Variants in SNX18 observed in about 807,000 individuals in gnomAD.
SNX18 encodes the protein sorting nexin 18.
Under a neutral mutation model 48.7 loss-of-function variants are expected in SNX18, and 35 were observed. The observed-to-expected ratio is 0.72, with a 90% CI of 0.55 to 0.95. SNX18 has a LOEUF of 0.95. Among genes scored for constraint, SNX18 ranks in the 40% least tolerant of loss-of-function variants. The pLI is 0.00. For synonymous variants in SNX18, 492 were observed against 384.7 expected (o/e 1.28, Z -3.26); for missense variants, 824 against 871.0 (o/e 0.95, Z 0.68).
the SNX18 span, among the ~76,000 whole-genome samples, chr5:54,576,025 A>C: frequency 1.2e-4 from 18 of 152,334 alleles, no homozygotes; most frequent in East Asian, 1.7e-3. Flanking sequence ...AAAAATTATC[A>C]AAACATATAT....
the SNX18 span, among the ~76,000 whole-genome samples, chr5:54,590,658 T>A: frequency 6.6e-6 from 1 of 152,174 alleles, no homozygotes; most frequent in African/African-American, 2.4e-5. Flanking sequence ...CCTATTTAGA[T>A]ATCCAACTAA....
chr5:54,554,502 A>G, the SNX18 span, among the ~76,000 whole-genome samples: 1 of 152,248 alleles, frequency 6.6e-6, no homozygotes, highest in African/African-American at 2.4e-5. Context: ...GAGGCCTTAG[A>G]GAGTCACAGA....
the SNX18 span, among the ~76,000 whole-genome samples, chr5:54,616,204 T>C: frequency 6.6e-6 from 1 of 152,224 alleles, no homozygotes; most frequent in Non-Finnish European, 1.5e-5. Context: ...GCTTTGTTCA[T>C]GATTGTGTAA....
At chr5:54,534,995 G>T (rs1580104336) in intron 1 of SNX18, among the ~76,000 whole-genome samples, 1 of 152,110 alleles carries the variant, frequency 6.6e-6, no homozygotes, top group Non-Finnish European at 1.5e-5. Flanking sequence ...TTTGAACATG[G>T]TGCTGATTTC....
the SNX18 span, among the ~76,000 whole-genome samples, chr5:54,635,103 G>A: frequency 2.8e-4 from 43 of 151,594 alleles, no homozygotes; most frequent in East Asian, 7.8e-3. Context: ...ATTTCAAAAT[G>A]TGTTTATGTC....
the SNX18 span, among the ~76,000 whole-genome samples, chr5:54,620,825 C>T: frequency 2.0e-5 from 3 of 152,172 alleles, no homozygotes; most frequent in African/African-American, 7.2e-5. Context: ...GGCAGGTGGC[C>T]ACCTCACTGT....
At chr5:54,573,407 C>T in the SNX18 span, among the ~76,000 whole-genome samples, 1 of 152,224 alleles carries the variant, frequency 6.6e-6, no homozygotes, top group Admixed American at 6.5e-5. Flanking sequence ...GATTGGGACC[C>T]CTTTCCTGTA....
At chr5:54,581,932 T>G in the SNX18 span, among the ~76,000 whole-genome samples, 4 of 152,162 alleles carry the variant, frequency 2.6e-5, no homozygotes, top group African/African-American at 4.8e-5. Context: ...CCTGCACCCC[T>G]CCCCAGCTGA....
At chr5:54,598,249 C>G in the SNX18 span, among the ~76,000 whole-genome samples, 1 of 152,010 alleles carries the variant, frequency 6.6e-6, no homozygotes, top group African/African-American at 2.4e-5. Context: ...AGCCCACCAA[C>G]CAAAAAAAGC....
the SNX18 span, among the ~76,000 whole-genome samples, chr5:54,608,608 C>T: frequency 2.5e-3 from 377 of 152,208 alleles, 1 homozygote; most frequent in African/African-American, 8.7e-3. Flanking sequence ...TGGAGATAGC[C>T]TGAGCTGTTT....
At chr5:54,534,821 T>C (rs1470348059) in intron 1 of SNX18, among the ~76,000 whole-genome samples, 1 of 152,180 alleles carries the variant, frequency 6.6e-6, no homozygotes, top group East Asian at 1.9e-4. Context: ...TGGTTGAGTT[T>C]CAGCTTGCAG....
Position 54,543,396 on chromosome 5 carries a change from G to T in SNX18, c.1839G>T (p.Lys613Asn). The T allele has an allele frequency of 6.2e-7, 1 of 1,614,168 alleles. No individual in the cohort carries two copies. The highest frequency in any genetic ancestry group is 1.7e-5 in the Admixed American group (1 of 60,016). The change falls in exon 2 of 2, where the codon AAG (lysine) becomes AAT (asparagine). Residue 613 changes from lysine (K) to asparagine (N), a missense_variant. This residue lies in a region of SNX18 where 443 missense variants were observed against 503.6 expected (regional missense o/e 0.88). Transcript: ENST00000381410. The stretch of plus-strand genomic sequence containing the variant: ...TATTTTTCCAAAAAGTTACCCAGAA[G>T]TTGGAAGAAGCTCTTCACAAATATG... ...QIIFFQKVTQKLEEALHKYDS... is the reference protein window; with the variant it reads ...QIIFFQKVTQNLEEALHKYDS...
At chr5:54,530,393 T>C (rs1238166448) in intron 1 of SNX18, among the ~76,000 whole-genome samples, 3 of 152,174 alleles carry the variant, frequency 2.0e-5, no homozygotes, top group Non-Finnish European at 4.4e-5. Flanking sequence ...TTAAGTGATT[T>C]CCAGGCTCAC....
the SNX18 span, among the ~76,000 whole-genome samples, chr5:54,578,185 T>C: frequency 1.3e-5 from 2 of 152,154 alleles, no homozygotes; most frequent in Non-Finnish European, 2.9e-5. Flanking sequence ...GATGACTTAA[T>C]TTACTTTGAA....
chr5:54,596,151 G>C, the SNX18 span, among the ~76,000 whole-genome samples: 1 of 152,172 alleles, frequency 6.6e-6, no homozygotes, highest in Non-Finnish European at 1.5e-5. Flanking sequence ...AACCATTCCA[G>C]AGTCTTGGTC....
chr5:54,625,423 A>ATGTCCT, the SNX18 span, among the ~76,000 whole-genome samples: 1 of 152,134 alleles, frequency 6.6e-6, no homozygotes, highest in African/African-American at 2.4e-5. Context: ...GGCAGCCCTT[A>ATGTCCT]TGTCCTTGTT....
the SNX18 span, among the ~76,000 whole-genome samples, chr5:54,585,791 CA>C: frequency 6.6e-6 from 1 of 152,090 alleles, no homozygotes; most frequent in East Asian, 1.9e-4. Context: ...ATCACGAGGT[CA>C]GGAGATCGAG....
chr5:54,533,762 G>T (rs759416344), intron 1 of SNX18, among the ~76,000 whole-genome samples: 1 of 152,200 alleles, frequency 6.6e-6, no homozygotes, highest in African/African-American at 2.4e-5. Context: ...GTGGCTGGAC[G>T]GCTGCCCTAG....
At chr5:54,538,976 T>A (rs1762408856) in intron 1 of SNX18, among the ~76,000 whole-genome samples, 1 of 152,246 alleles carries the variant, frequency 6.6e-6, no homozygotes, top group Non-Finnish European at 1.5e-5. Flanking sequence ...CCTTACTCTT[T>A]AAATTTGTAC....
Sources: allele counts gnomAD v4.1 joint callset (sites outside exome capture counted in the v4.1 genomes callset), GRCh38; gene constraint gnomAD v4.1.1; regional missense constraint gnomAD v4.1.1; transcripts MANE v1.5; gene names NCBI Gene and HGNC (gene_info 2026-07-23, HGNC 2026-07-21).